The following ARHGAP35 variants were observed in gnomAD, a reference collection of about 807,000 sequenced individuals.
The protein encoded by ARHGAP35 is rho GTPase-activating protein 35.
In ARHGAP35, 15 loss-of-function variants were observed where a neutral mutation model predicts 111.1. The ratio of observed to expected loss-of-function variants is 0.13; its 90% CI spans 0.09 to 0.21. The LOEUF is 0.21. Ranked by LOEUF, ARHGAP35 falls within the 10% of genes least tolerant of loss-of-function variation. The pLI is 1.00. For missense variants in ARHGAP35, 1,262 were observed against 1,873.0 expected (o/e 0.67, Z 6.02); for synonymous variants, 643 against 710.3 (o/e 0.91, Z 1.51).
chr19:46,896,567 T>G (rs2056057603), intron 1 of ARHGAP35, among the ~76,000 whole-genome samples: 2 of 152,226 alleles, frequency 1.3e-5, no homozygotes, highest in Non-Finnish European at 2.9e-5. Context: ...TTCTGTTTTC[T>G]CCAGAAAGCT....
At position 46,987,504 on chromosome 19, in the gene ARHGAP35, C is replaced by T. The variant is rs143366822; in HGVS notation, c.3827-485C>T. On this transcript the variant is annotated intron_variant, in intron 3 of 6. Coordinates refer to ENST00000672722, the MANE Select transcript of ARHGAP35 (RefSeq NM_004491.5). ...TGCTGGGATTACAGGCGTGAGCCAC[C>T]GCTCCCAGCCAACCCTGTATGATTA... Among the ~76,000 whole-genome samples the T allele has an allele frequency of 1.3e-3, 191 of 152,202 alleles. 2 individuals carry two copies. Among genetic ancestry groups the T allele is most frequent in the African/African-American group, 4.3e-3 (177 of 41,526 alleles).
At position 46,919,688 on chromosome 19, in the gene ARHGAP35, A is replaced by G; in HGVS notation, c.1013A>G (p.Lys338Arg). The change falls in exon 2 of 7, where the codon AAG (lysine) becomes AGG (arginine). Residue 338 changes from lysine (K) to arginine (R), a missense_variant. This residue lies in a region of ARHGAP35 where 328 missense variants were observed against 440.8 expected (regional missense o/e 0.74). Transcript: ENST00000672722. The surrounding 1 kb of genome is among the most constrained non-coding windows in gnomAD (Gnocchi z 6.2). Reference protein sequence around the residue: ...LKHEHIERRRKLYLAALPLAF... With the variant: ...LKHEHIERRRRLYLAALPLAF... ...CATGAGCATATCGAGCGTAGGAGAA[A>G]GCTGTACCTGGCAGCCCTGCCATTA... 1 of 1,614,016 alleles carries G rather than the reference A, an allele frequency of 6.2e-7. No individual in the cohort carries two copies. The highest frequency in any genetic ancestry group is 8.5e-7 in the Non-Finnish European group (1 of 1,179,890).
At chr19:46,907,307 C>T (rs1475527214) in intron 1 of ARHGAP35, among the ~76,000 whole-genome samples, 2 of 151,076 alleles carry the variant, frequency 1.3e-5, no homozygotes, top group East Asian at 2.0e-4. Flanking sequence ...CCACCACGCT[C>T]GGCTGATTTT....
chr19:46,873,158 A>C (rs2055896791), intron 1 of ARHGAP35, among the ~76,000 whole-genome samples: 1 of 152,048 alleles, frequency 6.6e-6, no homozygotes, highest in Admixed American at 6.6e-5. Flanking sequence ...GTGCTTTTTT[A>C]ACACACTTTC....
chr19:46,887,556 G>A (rs993311720), intron 1 of ARHGAP35, among the ~76,000 whole-genome samples: 10 of 152,062 alleles, frequency 6.6e-5, no homozygotes, highest in African/African-American at 2.4e-4. Context: ...GAGCTTCCAA[G>A]GGCTGTGACT....
chr19:46,897,586 C>A (rs1206666647), intron 1 of ARHGAP35, among the ~76,000 whole-genome samples: 1 of 151,036 alleles, frequency 6.6e-6, no homozygotes, highest in African/African-American at 2.4e-5. Flanking sequence ...TTTCAAGAGC[C>A]AGGGGATTTG....
intron 1 of ARHGAP35, among the ~76,000 whole-genome samples, chr19:46,890,590 A>AGG (rs2056019030): frequency 6.6e-6 from 1 of 152,188 alleles, no homozygotes; most frequent in African/African-American, 2.4e-5. Context: ...AACACAGGAG[A>AGG]GGTTATCTAG....
At position 46,989,739 on chromosome 19, in the gene ARHGAP35, G is replaced by A. The variant is rs1190557957; in HGVS notation, c.4036+64G>A. 1 of 1,603,038 alleles carries A rather than the reference G, an allele frequency of 6.2e-7. No individual in the cohort carries two copies. The highest frequency in any genetic ancestry group is 1.3e-5 in the African/African-American group (1 of 74,726). Reference sequence around the variant, plus strand: ...GAAAGGGCTTGGCACTGGAAGAATAGGTCCTGCCCTCAGAATGGATGCTGG... The same window carrying A: ...GAAAGGGCTTGGCACTGGAAGAATAAGTCCTGCCCTCAGAATGGATGCTGG... On this transcript the variant is annotated intron_variant, in intron 5 of 6. Coordinates refer to ENST00000672722, the MANE Select transcript of ARHGAP35 (RefSeq NM_004491.5). This position sits in a 1 kb window ranked among gnomAD's most constrained non-coding sequence, Gnocchi z 5.3.
chr19:46,955,641 G>A (rs921785215), intron 3 of ARHGAP35, among the ~76,000 whole-genome samples: 3 of 152,102 alleles, frequency 2.0e-5, no homozygotes, highest in Non-Finnish European at 2.9e-5. Context: ...GGGCTGGAGT[G>A]CAGTATTTCA....
chr19:46,868,856 T>A (rs139912290), intron 1 of ARHGAP35, among the ~76,000 whole-genome samples: 13 of 150,352 alleles, frequency 8.6e-5, no homozygotes, highest in South Asian at 2.1e-4. Context: ...TAGAAATACA[T>A]CTTTCCTCTT....
At chr19:46,981,519 G>T (rs1185548036) in intron 3 of ARHGAP35, among the ~76,000 whole-genome samples, 1 of 152,246 alleles carries the variant, frequency 6.6e-6, no homozygotes, top group Non-Finnish European at 1.5e-5. Context: ...GACGCTGGCC[G>T]ACAGCACTGC....
intron 1 of ARHGAP35, among the ~76,000 whole-genome samples, chr19:46,892,172 A>C (rs2056028137): frequency 6.7e-6 from 1 of 149,654 alleles, no homozygotes; most frequent in African/African-American, 2.5e-5. Flanking sequence ...GCCTGGTGGC[A>C]TGCCTGTTGT....
At chr19:46,916,877 G>A (rs750644564) in intron 1 of ARHGAP35, among the ~76,000 whole-genome samples, 4 of 151,844 alleles carry the variant, frequency 2.6e-5, no homozygotes, top group Non-Finnish European at 4.4e-5. Context: ...TCCTAAAAGT[G>A]GAGACATTTT....
chr19:46,929,617 T>TA (rs1325853012), intron 2 of ARHGAP35, among the ~76,000 whole-genome samples: 3 of 139,810 alleles, frequency 2.1e-5, no homozygotes, highest in East Asian at 4.0e-4. Context: ...TTTTTTTTTT[T>TA]ACATAAAACA....
At chr19:46,947,258 C>T (rs981128682) in intron 3 of ARHGAP35, 1 of 152,034 alleles carries the variant, frequency 6.6e-6, no homozygotes, top group Non-Finnish European at 1.5e-5. Context: ...TCAGATAGCC[C>T]CCATGTGTCT....
At chr19:46,904,911 G>A (rs2056098029) in intron 1 of ARHGAP35, among the ~76,000 whole-genome samples, 1 of 152,184 alleles carries the variant, frequency 6.6e-6, no homozygotes, top group Admixed American at 6.5e-5. Context: ...TATGCTCCGC[G>A]TTCCTGTTCT....
In ARHGAP35 at chr19:46,972,974, C is replaced by T. The variant is rs540735704; in HGVS notation, c.3827-15015C>T. Among the ~76,000 whole-genome samples the T allele has an allele frequency of 1.6e-4, 24 of 152,332 alleles. 1 individual carries two copies. Among genetic ancestry groups the T allele is most frequent in the Admixed American group, 1.5e-3 (23 of 15,300 alleles). On this transcript the variant is annotated intron_variant, in intron 3 of 6. Coordinates refer to ENST00000672722, the MANE Select transcript of ARHGAP35 (RefSeq NM_004491.5). ...CAGGCAGATAGTATTCAACCCTGTT[C>T]CCCTGCACTGAAGATTTACTTCCAA...
At chr19:46,925,916 G>C (rs372540350) in intron 2 of ARHGAP35, among the ~76,000 whole-genome samples, 48 of 152,318 alleles carry the variant, frequency 3.2e-4, no homozygotes, top group African/African-American at 1.1e-3. Context: ...TAAAGCAGTG[G>C]CATGAGGTAA....
chr19:46,963,929 G>A (rs1465161523), intron 3 of ARHGAP35, among the ~76,000 whole-genome samples: 3 of 152,014 alleles, frequency 2.0e-5, no homozygotes, highest in East Asian at 1.9e-4. Context: ...GTGCAGTGGC[G>A]CAATCTCGGC....
Sources: allele counts gnomAD v4.1 joint callset (sites outside exome capture counted in the v4.1 genomes callset), GRCh38; gene constraint gnomAD v4.1.1; regional missense constraint gnomAD v4.1.1; non-coding constraint Gnocchi (gnomAD v3.1); transcripts MANE v1.5; gene names NCBI Gene and HGNC (gene_info 2026-07-23, HGNC 2026-07-21).